TGFBR3: variants seen among roughly 807,000 people sequenced by gnomAD.
TGFBR3 encodes the protein transforming growth factor beta receptor type 3.
A neutral mutation model predicts 87.9 loss-of-function variants in TGFBR3; 46 were observed. The ratio of observed to expected loss-of-function variants is 0.52; its 90% confidence interval spans 0.41 to 0.67. The LOEUF is 0.67. Ranked by LOEUF, TGFBR3 falls within the 30% of genes least tolerant of loss-of-function variation. The probability of loss-of-function intolerance (pLI) is 0.00; values close to 1 mark genes in which losing one functional copy is unlikely to be tolerated. For missense variants in TGFBR3, 866 were observed against 1,041.9 expected (o/e 0.83, Z 2.32); for synonymous variants, 381 against 391.6 (o/e 0.97, Z 0.32).
chr1:91,721,066 C>CT (rs1672351160), intron 8 of TGFBR3, among the ~76,000 whole-genome samples: 1 of 152,182 alleles, frequency 6.6e-6, no homozygotes, highest in Non-Finnish European at 1.5e-5. Flanking sequence ...TATCTACTAT[C>CT]TAAGGCCAAC....
intron 14 of TGFBR3, among the ~76,000 whole-genome samples, chr1:91,705,887 A>T (rs1671784801): frequency 6.6e-6 from 1 of 152,246 alleles, no homozygotes; most frequent in Non-Finnish European, 1.5e-5. Flanking sequence ...GAACTTTTAT[A>T]CAAGAAAACA....
chr1:91,707,620 C>G (rs1671838079), intron 14 of TGFBR3, among the ~76,000 whole-genome samples: 1 of 152,224 alleles, frequency 6.6e-6, no homozygotes, highest in Non-Finnish European at 1.5e-5. Context: ...TTGTCAAGGC[C>G]CTTGGTGCCC....
chr1:91,862,239 C>T (rs1678231525), intron 1 of TGFBR3, among the ~76,000 whole-genome samples: 2 of 152,044 alleles, frequency 1.3e-5, no homozygotes, highest in Non-Finnish European at 2.9e-5. Flanking sequence ...AATATAACAC[C>T]ACCAGTTAAG....
Position 91,886,132 on chromosome 1 carries a change from C to A in TGFBR3, c.-368G>T, listed in dbSNP as rs1214063996. 2.2e-6 allele frequency: 1 copy of A among 454,000 alleles called. No homozygotes were observed. Among genetic ancestry groups the A allele is most frequent in the African/African-American group, 2.0e-5 (1 of 50,014 alleles). The allele number at this position is 454,000 out of a possible 1,614,324, so 28.1% of individuals were successfully genotyped here. ...CTGGGAAGAGGAAAGTGCCGCTCGG[C>A]GTCCCCGAAACCCTCGATTACCCCC... On this transcript the variant is annotated 5_prime_UTR_variant, in exon 1 of 17. Coordinates refer to ENST00000212355, the MANE Select transcript of TGFBR3 (RefSeq NM_003243.5).
intron 3 of TGFBR3, among the ~76,000 whole-genome samples, chr1:91,776,456 G>C (rs954049207): frequency 6.6e-6 from 1 of 152,208 alleles, no homozygotes; most frequent in Non-Finnish European, 1.5e-5. Context: ...TGAATTCAAG[G>C]TTAGGTTCTA....
chr1:91,780,943 T>A (rs1320608784), intron 3 of TGFBR3, among the ~76,000 whole-genome samples: 1 of 149,206 alleles, frequency 6.7e-6, no homozygotes, highest in East Asian at 2.0e-4. Flanking sequence ...AGAGATCTCA[T>A]CTCCTGGCAT....
chr1:91,719,205 T>A lies in TGFBR3; in HGVS notation c.1566+107A>T, dbSNP rs1049665312. On this transcript the variant is annotated intron_variant, in intron 10 of 16. Transcript: ENST00000212355. Reference sequence around the variant, plus strand: ...ACTGACACTTGGCTTTCTTCAGGCCTGGGGTGAAAACCCTCTTCATCTTCA... The same window carrying A: ...ACTGACACTTGGCTTTCTTCAGGCCAGGGGTGAAAACCCTCTTCATCTTCA... 10 of 1,480,894 alleles carry A rather than the reference T, an allele frequency of 6.8e-6. No individual in the cohort carries two copies. In the African/African-American group the frequency reaches 1.2e-4, roughly 18 times the overall value. 91.7% of individuals were successfully genotyped at this position (1,480,894 alleles called of 1,614,324 possible). A position where few individuals can be genotyped will look rare whatever the true frequency, so the allele number is the denominator to read the frequency against.
chr1:91,828,035 A>C (rs962397397), intron 2 of TGFBR3, among the ~76,000 whole-genome samples: 2 of 152,178 alleles, frequency 1.3e-5, no homozygotes, highest in African/African-American at 4.8e-5. Context: ...TATCTTGGTT[A>C]ATCATCTACT....
intron 4 of TGFBR3, among the ~76,000 whole-genome samples, chr1:91,747,548 G>A (rs1420449055): frequency 6.6e-6 from 1 of 152,230 alleles, no homozygotes; most frequent in Non-Finnish European, 1.5e-5. Flanking sequence ...TACTTGGCTA[G>A]AAGTCAAGTT....
At chr1:91,903,338 CAAAAAAAAA>C (rs58672104) in intron 1 of TGFBR3, among the ~76,000 whole-genome samples, 205 of 50,512 alleles carry the variant, frequency 4.1e-3, no homozygotes, top group Middle Eastern at 0.026. Flanking sequence ...GATTCTGCCT[CAAAAAAAAA>C]AAAAAAAAAA....
intron 1 of TGFBR3, among the ~76,000 whole-genome samples, chr1:91,877,878 T>G (rs952932144): frequency 2.6e-5 from 4 of 152,044 alleles, no homozygotes; most frequent in African/African-American, 7.3e-5. Context: ...CTCTAAAGTC[T>G]CGAAAATAAG....
At chr1:91,728,492 T>TA (rs1166653193) in intron 6 of TGFBR3, among the ~76,000 whole-genome samples, 1 of 152,204 alleles carries the variant, frequency 6.6e-6, no homozygotes, top group African/African-American at 2.4e-5. Flanking sequence ...TAAGAATTCG[T>TA]AAAAAAGAGA....
intron 14 of TGFBR3, among the ~76,000 whole-genome samples, chr1:91,701,311 G>T (rs370429286): frequency 6.6e-6 from 1 of 151,886 alleles, no homozygotes; most frequent in Non-Finnish European, 1.5e-5. Context: ...TTCTATCCTC[G>T]AACTTTTCTC....
chr1:91,776,174 C>A (rs1473487), intron 3 of TGFBR3, among the ~76,000 whole-genome samples: 2,625 of 152,266 alleles, frequency 0.017, 36 homozygotes, highest in Non-Finnish European at 0.028. Flanking sequence ...CATCTAAGCC[C>A]ACATTTAAGC....
Position 91,727,572 on chromosome 1 carries a change from G to A in TGFBR3, c.885+87C>T, listed in dbSNP as rs1020281969. Reference sequence around the variant, plus strand: ...AGAGCTTAGAGAGTCCAAAGAGGCAGGAACTTTAAAAATAACACTTATAAA... The same window carrying A: ...AGAGCTTAGAGAGTCCAAAGAGGCAAGAACTTTAAAAATAACACTTATAAA... On this transcript the variant is annotated intron_variant, in intron 7 of 16. Coordinates refer to ENST00000212355, the MANE Select transcript of TGFBR3 (RefSeq NM_003243.5). The A allele has an allele frequency of 1.9e-6, 3 of 1,547,470 alleles. No homozygotes were observed. In the African/African-American group the frequency reaches 4.1e-5, roughly 21 times the overall value.
At chr1:91,800,278 A>T (rs1233323543) in intron 2 of TGFBR3, among the ~76,000 whole-genome samples, 2 of 134,620 alleles carry the variant, frequency 1.5e-5, no homozygotes, top group Non-Finnish European at 3.2e-5. Context: ...ACACACACAC[A>T]CTCACGCATA....
chr1:91,727,064 G>C (rs2100801809), intron 7 of TGFBR3, among the ~76,000 whole-genome samples: 1 of 152,336 alleles, frequency 6.6e-6, no homozygotes, highest in East Asian at 1.9e-4. Flanking sequence ...GAACAAGCTG[G>C]AGTAGACTTG....
At chr1:91,792,328 C>A (rs531651866) in intron 3 of TGFBR3, among the ~76,000 whole-genome samples, 2 of 152,146 alleles carry the variant, frequency 1.3e-5, no homozygotes, top group Non-Finnish European at 2.9e-5. Context: ...AGCTTTTTGA[C>A]GGGTGAAGTT....
intron 13 of TGFBR3, 118 bp from the exon 14 acceptor site, chr1:91,708,901 G>T: frequency 7.1e-7 from 1 of 1,402,558 alleles, no homozygotes; most frequent in Non-Finnish European, 9.8e-7. Flanking sequence ...GTTCACTACA[G>T]AAAAGCAAGA....
Sources: gnomAD v4.1 joint callset for allele counts (sites outside exome capture counted in the v4.1 genomes callset) on GRCh38, gnomAD v4.1.1 for gene constraint, MANE v1.5 for transcripts, NCBI Gene and HGNC (gene_info 2026-07-23, HGNC 2026-07-21) for gene names.